The following GARS1 variants were observed in gnomAD, a reference collection of about 807,000 sequenced individuals.
GARS1 encodes the protein glycine--tRNA ligase.
In GARS1, 46 loss-of-function variants were observed where a neutral mutation model predicts 86.4. The observed-to-expected ratio is 0.53, with a 90% CI of 0.42 to 0.68. The LOEUF is 0.68. Ranked by LOEUF, GARS1 falls within the 30% of genes least tolerant of loss-of-function variation. The probability of loss-of-function intolerance (pLI) is 0.00; values close to 1 mark genes in which losing one functional copy is unlikely to be tolerated. For synonymous variants in GARS1, 342 were observed against 329.8 expected (o/e 1.04, Z -0.40); for missense variants, 797 against 915.6 (o/e 0.87, Z 1.67).
intron 1 of GARS1, chr7:30,595,725 T>C: frequency 2.1e-6 from 1 of 469,972 alleles, no homozygotes; most frequent in South Asian, 1.6e-5. Flanking sequence ...GCTGAGAAAA[T>C]AGAATTGAAA....
rs772849144 is a variant in GARS1 at position 30,609,735 on chromosome 7, G to C, written c.881+5G>C. ...GCCTGGAGGAAACATGCCTGGGTATGTATCACTTATTGTTTACCTGTTTAT... is the reference window on the plus strand; with the variant it reads ...GCCTGGAGGAAACATGCCTGGGTATCTATCACTTATTGTTTACCTGTTTAT... On this transcript the variant is annotated splice_donor_5th_base_variant and intron_variant, in intron 7 of 16. Coordinates refer to ENST00000389266, the MANE Select transcript of GARS1 (RefSeq NM_002047.4). 6.2e-7 allele frequency: 1 copy of C among 1,612,952 alleles called. No homozygotes were observed. The highest frequency in any genetic ancestry group is 8.5e-7 in the Non-Finnish European group (1 of 1,179,294).
chr7:30,624,058 T>C (rs1783074125), intron 12 of GARS1, among the ~76,000 whole-genome samples: 1 of 152,322 alleles, frequency 6.6e-6, no homozygotes, highest in Non-Finnish European at 1.5e-5. Flanking sequence ...CTTTTGATGC[T>C]GCCCAACACA....
In GARS1 at chr7:30,628,654, A is replaced by G; in HGVS notation, c.1794A>G (p.Gly598=). ...AACATACATTCCATGTACGAGAAGG[A>G]GATGAACAGAGAACAGTAAGTTGTT... ...VFEHTFHVRE[G]DEQRTFFSFP... is the part of the protein sequence containing the mutation. The change falls in exon 14 of 17, where the codon GGA becomes GGG. Residue 598 remains glycine (G), a synonymous_variant. Transcript: ENST00000389266. 6.2e-7 allele frequency: 1 copy of G among 1,606,932 alleles called. No homozygotes were observed.
At chr7:30,594,811 C>T (rs1325905784), upstream of GARS1, 2 of 931,732 alleles carry the variant, frequency 2.1e-6, no homozygotes, top group Non-Finnish European at 1.6e-6. Flanking sequence ...GGTGAATGTG[C>T]GGCAGCACGC....
intron 7 of GARS1, 24 bp from the exon 8 acceptor site, chr7:30,612,071 CA>C (rs765397641): frequency 3.7e-6 from 6 of 1,600,322 alleles, no homozygotes; most frequent in East Asian, 4.5e-5. Flanking sequence ...TTCTTTGTAA[CA>C]GACTGACTTA....
chr7:30,630,284 A>G (rs1273309545), intron 14 of GARS1, among the ~76,000 whole-genome samples: 3 of 152,232 alleles, frequency 2.0e-5, no homozygotes, highest in Non-Finnish European at 4.4e-5. Context: ...TTGGTGGAAT[A>G]CAGGCCTTAC....
At chr7:30,615,838 G>A in intron 8 of GARS1, 58 bp from the exon 9 acceptor site, 1 of 1,576,470 alleles carries the variant, frequency 6.3e-7, no homozygotes. Flanking sequence ...CTTGTTTTTT[G>A]TTTGTTTGTT....
At chr7:30,631,584 A>C (rs758409536) in intron 15 of GARS1, 43 bp downstream of exon 15, 2 of 1,222,520 alleles carry the variant, frequency 1.6e-6, no homozygotes, top group Non-Finnish European at 2.4e-6. Flanking sequence ...AACACCATCA[A>C]GGAGACTGAA....
At chr7:30,602,983 A>G (rs1024567739) in intron 4 of GARS1, 51 bp from the exon 5 acceptor site, 30 of 1,162,066 alleles carry the variant, frequency 2.6e-5, no homozygotes, top group Non-Finnish European at 3.8e-5. Flanking sequence ...GGTAATATCT[A>G]TGTGTAATTT....
intron 12 of GARS1, among the ~76,000 whole-genome samples, chr7:30,624,494 G>C (rs1264999381): frequency 1.3e-5 from 2 of 152,144 alleles, no homozygotes; most frequent in East Asian, 3.8e-4. Flanking sequence ...TGGGAGCAAA[G>C]AATTGGGAAT....
intron 11 of GARS1, 198 bp downstream of exon 11, chr7:30,621,698 C>T (rs1783010722): frequency 1.6e-6 from 1 of 610,430 alleles, no homozygotes; most frequent in Admixed American, 2.9e-5. Context: ...CGTGTGCCCA[C>T]TCAATGTTTG....
At chr7:30,600,736 TGTG>T (rs1226600622) in intron 3 of GARS1, among the ~76,000 whole-genome samples, 2 of 152,208 alleles carry the variant, frequency 1.3e-5, no homozygotes, top group African/African-American at 4.8e-5. Flanking sequence ...TGTTATCAGA[TGTG>T]GTGAGAAATT....
intron 13 of GARS1, among the ~76,000 whole-genome samples, chr7:30,626,535 A>T (rs1358812296): frequency 6.6e-6 from 1 of 152,148 alleles, no homozygotes; most frequent in East Asian, 1.9e-4. Context: ...TTTTTTGTAG[A>T]GATGAGGTTT....
At chr7:30,633,623 C>G in intron 16 of GARS1, 112 bp from the exon 17 acceptor site, 1 of 1,303,464 alleles carries the variant, frequency 7.7e-7, no homozygotes, top group South Asian at 1.2e-5. Flanking sequence ...GAACCCATGC[C>G]TGGCATGACA....
intron 7 of GARS1, among the ~76,000 whole-genome samples, chr7:30,610,857 C>T (rs1408880238): frequency 6.6e-6 from 1 of 151,884 alleles, no homozygotes; most frequent in Non-Finnish European, 1.5e-5. Flanking sequence ...GAAATTTGTG[C>T]CATTATTTAG....
rs557447664 is a variant in GARS1, at chr7:30,604,007, T to G, written c.735+435T>G. Among the ~76,000 whole-genome samples the G allele has an allele frequency of 2.6e-5, 4 of 152,308 alleles. No individual in the cohort carries two copies. The South Asian group carries it at 8.3e-4, about 32-fold the overall frequency. On this transcript the variant is annotated intron_variant, in intron 6 of 16. Coordinates refer to ENST00000389266, the MANE Select transcript of GARS1 (RefSeq NM_002047.4). ...TAGAACCTCATGAGCAGGTCCTGAC[T>G]TTTCTGTCCTTGCTTTTCTCAGTTT...
Position 30,600,014 on chromosome 7 carries a change from G to C in GARS1, c.392G>C (p.Arg131Thr), listed in dbSNP as rs1208484453. 6.2e-7 allele frequency: 1 copy of C among 1,613,932 alleles called. No individual in the cohort carries two copies. Among genetic ancestry groups the C allele is most frequent in the Admixed American group, 1.7e-5 (1 of 60,022 alleles). ...RAKMEDTLKR[R>T]FFYDQAFAIY... ...AAAATGGAAGATACCCTGAAGAGGAGGTTTTTCTATGATCAAGCTTTTGCT... is the reference window on the plus strand; with the variant it reads ...AAAATGGAAGATACCCTGAAGAGGACGTTTTTCTATGATCAAGCTTTTGCT... The change falls in exon 3 of 17, where the codon AGG (arginine) becomes ACG (threonine). Residue 131 changes from arginine (R) to threonine (T), a missense_variant. Physicochemically the swap from Arg to Thr is moderately conservative, Grantham distance 71. Coordinates refer to ENST00000389266, the MANE Select transcript of GARS1 (RefSeq NM_002047.4).
At chr7:30,618,781 G>A (rs1782941841) in intron 10 of GARS1, among the ~76,000 whole-genome samples, 2 of 152,124 alleles carry the variant, frequency 1.3e-5, no homozygotes, top group Admixed American at 6.5e-5. Flanking sequence ...TAATGATGTT[G>A]TTTTTAATAT....
intron 12 of GARS1, among the ~76,000 whole-genome samples, chr7:30,625,612 T>C (rs1783113969): frequency 6.6e-6 from 1 of 152,192 alleles, no homozygotes; most frequent in South Asian, 2.1e-4. Context: ...TTTATAAAGA[T>C]GAATTCTTAT....
Sources: allele counts gnomAD v4.1 joint callset (sites outside exome capture counted in the v4.1 genomes callset), GRCh38; gene constraint gnomAD v4.1.1; transcripts MANE v1.5; gene names NCBI Gene and HGNC (gene_info 2026-07-23, HGNC 2026-07-21).